The following NHSL1 variants were observed in gnomAD, a reference collection of about 807,000 sequenced individuals.
NHSL1 encodes the protein NHS like 1, also known as NHS-like protein 1.
Under a neutral mutation model 95.0 loss-of-function variants are expected in NHSL1, and 48 were observed. The ratio of observed to expected loss-of-function variants is 0.51; its 90% CI spans 0.40 to 0.64. The LOEUF is 0.64. Among genes scored for constraint, NHSL1 ranks in the 30% least tolerant of loss-of-function variants. The probability of loss-of-function intolerance (pLI) is 0.00; values close to 1 mark genes in which losing one functional copy is unlikely to be tolerated. For synonymous variants in NHSL1, 783 were observed against 833.9 expected, an observed-to-expected ratio of 0.94 and a Z score of 1.05; for missense variants, 1,971 against 2,077.7, an observed-to-expected ratio of 0.95 and a Z score of 1.00.
At chr6:138,578,784 C>T (rs1784009011) in intron 1 of NHSL1, among the ~76,000 whole-genome samples, 1 of 151,930 alleles carries the variant, frequency 6.6e-6, no homozygotes, top group South Asian at 2.1e-4. Context: ...GGGGAAGGGA[C>T]TGCAATTCTG....
chr6:138,549,615 T>C (rs1782927003), upstream of NHSL1, among the ~76,000 whole-genome samples: 1 of 152,222 alleles, frequency 6.6e-6, no homozygotes, highest in South Asian at 2.1e-4. Context: ...CTGGTTATTT[T>C]AAGCCACCAC....
chr6:138,475,836 G>A (rs974982817), intron 2 of NHSL1, among the ~76,000 whole-genome samples: 1 of 151,980 alleles, frequency 6.6e-6, no homozygotes, highest in Non-Finnish European at 1.5e-5. Context: ...GGTGTCACAC[G>A]CCTGTAATCC....
At chr6:138,527,831 C>T (rs1479957983) in intron 1 of NHSL1, among the ~76,000 whole-genome samples, 1 of 152,132 alleles carries the variant, frequency 6.6e-6, no homozygotes, top group African/African-American at 2.4e-5. Context: ...GTTCATGAAG[C>T]TCTTATGAGT....
At chr6:138,553,751 A>T (rs1783095121) in intron 1 of NHSL1, among the ~76,000 whole-genome samples, 1 of 152,230 alleles carries the variant, frequency 6.6e-6, no homozygotes, top group African/African-American at 2.4e-5. Context: ...GTCAGTGATC[A>T]TTTATAGTTA....
chr6:138,556,561 A>C (rs775234262), intron 1 of NHSL1, among the ~76,000 whole-genome samples: 1 of 149,740 alleles, frequency 6.7e-6, no homozygotes, highest in Non-Finnish European at 1.5e-5. Flanking sequence ...CATTGAGCAA[A>C]CACTGTGGAT....
intron 3 of NHSL1, among the ~76,000 whole-genome samples, chr6:138,452,292 T>C (rs1051759066): frequency 1.3e-5 from 2 of 152,218 alleles, no homozygotes; most frequent in Non-Finnish European, 2.9e-5. Context: ...TTCTAGGTTC[T>C]ACCCGGAAAT....
At position 138,432,113 on chromosome 6, in the gene NHSL1, A is replaced by C; in HGVS notation, c.2232T>G (p.Ala744=). Residue 744 remains alanine, a synonymous_variant, in exon 6 of 8, where the codon GCT becomes GCG. Transcript: ENST00000343505. This position sits in a 1 kb window ranked among gnomAD's most constrained non-coding sequence, Gnocchi z 4.4. ...TGGTGGCGGAAGTCATGCTGCTGCC[A>C]GCACTAACTGTGCTCTGGCTCCGGG... is the stretch of plus-strand genomic sequence containing the variant. ...PRSRSQSTVS[A]GSSMTSATTP... 1 of 1,551,346 alleles carries C rather than the reference A, an allele frequency of 6.4e-7. No homozygotes were observed. Among genetic ancestry groups the C allele is most frequent in the Non-Finnish European group, 8.7e-7 (1 of 1,146,808 alleles).
chr6:138,574,215 G>C (rs561991472), upstream of NHSL1, among the ~76,000 whole-genome samples: 118 of 152,324 alleles, frequency 7.7e-4, no homozygotes, highest in African/African-American at 2.8e-3. Flanking sequence ...ACAGGCGTGA[G>C]CCACCGCACC....
chr6:138,606,402 G>A (rs1296461967), intron 1 of NHSL1, among the ~76,000 whole-genome samples: 2 of 152,220 alleles, frequency 1.3e-5, no homozygotes, highest in Non-Finnish European at 2.9e-5. Flanking sequence ...CTTTTAAAAT[G>A]TCTATTGATT....
rs1324085896 is a variant in NHSL1 at position 138,422,746 on chromosome 6, G to C, written c.*1335C>G. On this transcript the variant is annotated 3_prime_UTR_variant, in exon 8 of 8. Transcript: ENST00000343505. Reference sequence around the variant, plus strand: ...GATTGGAGAAGATTAGAAGTAATTAGCAACTCAATTATTTATAAACAAATA... The same window carrying C: ...GATTGGAGAAGATTAGAAGTAATTACCAACTCAATTATTTATAAACAAATA... The C allele has an allele frequency of 6.6e-6, 1 of 152,112 alleles. No individual in the cohort carries two copies. Among genetic ancestry groups the C allele is most frequent in the Admixed American group, 6.5e-5 (1 of 15,278 alleles). 9.4% of individuals were successfully genotyped at this position (152,112 alleles called of 1,614,324 possible).
chr6:138,568,148 T>C (rs1278219468), intron 1 of NHSL1, among the ~76,000 whole-genome samples: 5 of 152,248 alleles, frequency 3.3e-5, no homozygotes, highest in Admixed American at 2.0e-4. Flanking sequence ...TGCTAACAGT[T>C]AGAAGACCAT....
intron 1 of NHSL1, among the ~76,000 whole-genome samples, chr6:138,676,492 T>C (rs1178008646): frequency 6.6e-6 from 1 of 152,182 alleles, no homozygotes; most frequent in African/African-American, 2.4e-5. Flanking sequence ...CAGGCACTGT[T>C]CTATATCTCA....
At position 138,612,053 on chromosome 6, in the gene NHSL1, T is replaced by G. The variant is rs189234139; in HGVS notation, c.96+80423A>C. On this transcript the variant is annotated intron_variant, in intron 1 of 3. Transcript: ENST00000491526. ...TGAACCCAAGAGGCGGAGGTTGCAG[T>G]GAGCCAAGATCACGCCACTGCACTC... Among the ~76,000 whole-genome samples, 33 of 133,886 alleles carry G rather than the reference T, an allele frequency of 2.5e-4. No individual in the cohort carries two copies. The East Asian group carries it at 7.0e-3, about 28-fold the overall frequency. 87.8% of individuals were successfully genotyped at this position (133,886 alleles called of 152,430 possible).
At chr6:138,652,286 A>G (rs2114711532) in intron 1 of NHSL1, among the ~76,000 whole-genome samples, 1 of 152,160 alleles carries the variant, frequency 6.6e-6, no homozygotes, top group South Asian at 2.1e-4. Context: ...TACTAAAAAT[A>G]CAAAATTAGC....
chr6:138,486,561 A>C (rs1025861494), intron 2 of NHSL1, among the ~76,000 whole-genome samples: 1 of 151,978 alleles, frequency 6.6e-6, no homozygotes, highest in Non-Finnish European at 1.5e-5. Context: ...CCAGTGCCCT[A>C]AAGTAAAGCT....
chr6:138,691,460 C>T (rs1035304169), intron 1 of NHSL1, among the ~76,000 whole-genome samples: 6 of 152,162 alleles, frequency 3.9e-5, no homozygotes, highest in Admixed American at 1.3e-4. Flanking sequence ...GTTTTTCTAG[C>T]TAGCTGGAAA....
intron 1 of NHSL1, among the ~76,000 whole-genome samples, chr6:138,612,665 GT>G (rs1436845126): frequency 1.3e-5 from 2 of 152,266 alleles, no homozygotes; most frequent in Admixed American, 6.5e-5. Flanking sequence ...GAAAGCTTCT[GT>G]ATACACACAC....
At chr6:138,522,416 T>C (rs1225617343) in intron 1 of NHSL1, among the ~76,000 whole-genome samples, 1 of 152,186 alleles carries the variant, frequency 6.6e-6, no homozygotes. Context: ...CCAAGGCGGA[T>C]GGATCACCTA....
At chr6:138,545,145 C>T (rs1182185783) in intron 1 of NHSL1, among the ~76,000 whole-genome samples, 1 of 151,960 alleles carries the variant, frequency 6.6e-6, no homozygotes, top group African/African-American at 2.4e-5. Flanking sequence ...CACCCGCCAC[C>T]ACGCCCAGCC....
Sources: allele counts gnomAD v4.1 joint callset (sites outside exome capture counted in the v4.1 genomes callset), GRCh38; gene constraint gnomAD v4.1.1; non-coding constraint Gnocchi (gnomAD v3.1); transcripts MANE v1.5; gene names NCBI Gene and HGNC (gene_info 2026-07-23, HGNC 2026-07-21).